The following LHFPL3 variants were observed in gnomAD, a reference collection of about 807,000 sequenced individuals.
LHFPL3 encodes LHFPL tetraspan subfamily member 3 protein.
Under a neutral mutation model 19.3 loss-of-function variants are expected in LHFPL3, and 5 were observed. The observed-to-expected ratio is 0.26, with a 90% CI of 0.14 to 0.54. LHFPL3 has a LOEUF of 0.54. Ranked by LOEUF, LHFPL3 falls within the 20% of genes least tolerant of loss-of-function variation. LHFPL3 has a pLI of 0.94. For missense variants in LHFPL3, 249 were observed against 307.4 expected (o/e 0.81, Z 1.42); for synonymous variants, 133 against 126.2 (o/e 1.05, Z -0.36).
chr7:104,564,911 T>A (rs1008210445), intron 1 of LHFPL3, among the ~76,000 whole-genome samples: 4 of 152,180 alleles, frequency 2.6e-5, no homozygotes, highest in Non-Finnish European at 5.9e-5. Flanking sequence ...AGAGACTTAG[T>A]TGTTGGCCAT....
chr7:104,333,602 C>A (rs1217903865), intron 1 of LHFPL3, among the ~76,000 whole-genome samples: 2 of 152,154 alleles, frequency 1.3e-5, no homozygotes, highest in Non-Finnish European at 2.9e-5. Context: ...CTGCCAAATT[C>A]TTTTTATCCC....
intron 1 of LHFPL3, among the ~76,000 whole-genome samples, chr7:104,536,888 A>G (rs1197211464): frequency 1.3e-5 from 2 of 152,230 alleles, no homozygotes; most frequent in African/African-American, 4.8e-5. Context: ...CAACACCACT[A>G]GGCTTCAGTG....
At chr7:104,391,813 A>G (rs1170297387) in intron 1 of LHFPL3, among the ~76,000 whole-genome samples, 2 of 152,222 alleles carry the variant, frequency 1.3e-5, no homozygotes, top group East Asian at 1.9e-4. Context: ...CTTCCTATCC[A>G]TGAGCATGGA....
At chr7:104,612,059 A>G (rs1791222778) in intron 1 of LHFPL3, among the ~76,000 whole-genome samples, 1 of 152,166 alleles carries the variant, frequency 6.6e-6, no homozygotes, top group Non-Finnish European at 1.5e-5. Context: ...CTACTCTTCC[A>G]TTATTGAGCA....
chr7:104,339,062 A>G (rs928804806), intron 1 of LHFPL3, among the ~76,000 whole-genome samples: 1 of 152,222 alleles, frequency 6.6e-6, no homozygotes, highest in Non-Finnish European at 1.5e-5. Flanking sequence ...AGCCTGACCA[A>G]CATGGTGAAA....
intron 1 of LHFPL3, among the ~76,000 whole-genome samples, chr7:104,582,476 C>A (rs1004039754): frequency 1.6e-4 from 24 of 151,944 alleles, no homozygotes; most frequent in Non-Finnish European, 1.5e-4. Context: ...TGCCTTACTG[C>A]ACAGACCAGG....
intron 1 of LHFPL3, among the ~76,000 whole-genome samples, chr7:104,729,127 A>G (rs1793642484): frequency 1.3e-5 from 2 of 152,182 alleles, no homozygotes; most frequent in African/African-American, 2.4e-5. Context: ...GTGCCACACT[A>G]TTTTGCAGTG....
intron 1 of LHFPL3, among the ~76,000 whole-genome samples, chr7:104,465,435 AT>A (rs1378890852): frequency 7.1e-4 from 108 of 152,252 alleles, no homozygotes; most frequent in Non-Finnish European, 7.4e-5. Context: ...GCAGTACTGA[AT>A]TTACTGTATT....
intron 1 of LHFPL3, among the ~76,000 whole-genome samples, chr7:104,457,202 C>T (rs912978054): frequency 2.7e-4 from 41 of 152,050 alleles, no homozygotes; most frequent in African/African-American, 7.5e-4. Flanking sequence ...ATGTGCCATG[C>T]TGGTGTGCTG....
chr7:104,892,540 G>A (rs557558965), intron 2 of LHFPL3, among the ~76,000 whole-genome samples: 4 of 151,356 alleles, frequency 2.6e-5, no homozygotes, highest in East Asian at 1.9e-4. Flanking sequence ...GAGAAACCCC[G>A]TCTCTACTAA....
chr7:104,813,639 A>C (rs1032375917), intron 2 of LHFPL3, among the ~76,000 whole-genome samples: 1 of 152,160 alleles, frequency 6.6e-6, no homozygotes, highest in South Asian at 2.1e-4. Context: ...ACAGTCAGAC[A>C]TGCTGGCTGC....
intron 1 of LHFPL3, among the ~76,000 whole-genome samples, chr7:104,479,309 A>G (rs927964595): frequency 6.6e-6 from 1 of 152,092 alleles, no homozygotes; most frequent in Admixed American, 6.5e-5. Flanking sequence ...GAGGGACGCC[A>G]TGGGAGCTGT....
At chr7:104,522,228 TC>T (rs1320053550) in intron 1 of LHFPL3, among the ~76,000 whole-genome samples, 6 of 152,204 alleles carry the variant, frequency 3.9e-5, no homozygotes, top group African/African-American at 1.4e-4. Flanking sequence ...CGAGTTCATG[TC>T]CTTTGTAGGG....
In LHFPL3 at chr7:104,742,440, T is replaced by C. The variant is rs143352174; in HGVS notation, c.682+5529T>C. Among the ~76,000 whole-genome samples the C allele has an allele frequency of 5.8e-4, 89 of 152,298 alleles. 1 individual carries two copies. The highest frequency in any genetic ancestry group is 1.9e-3 in the African/African-American group (78 of 41,564). On this transcript the variant is annotated intron_variant, in intron 2 of 2. Transcript: ENST00000424859. Reference sequence around the variant, plus strand: ...CTTTTCAATGCTATAGTGGAGGAGGTAGAATAAATTCACTTTATTTAAGCA... The same window carrying C: ...CTTTTCAATGCTATAGTGGAGGAGGCAGAATAAATTCACTTTATTTAAGCA...
chr7:104,674,470 G>A (rs1437260059), intron 1 of LHFPL3, among the ~76,000 whole-genome samples: 2 of 151,270 alleles, frequency 1.3e-5, no homozygotes, highest in African/African-American at 4.9e-5. Flanking sequence ...CTGGGTTCAA[G>A]CGATTCTCCT....
At chr7:104,386,930 A>AATGTCC (rs1790958540) in intron 1 of LHFPL3, among the ~76,000 whole-genome samples, 1 of 152,162 alleles carries the variant, frequency 6.6e-6, no homozygotes, top group Middle Eastern at 3.2e-3. Flanking sequence ...TATCACCTAA[A>AATGTCC]ATGTCCACCT....
chr7:104,341,071 T>C (rs983237127), intron 1 of LHFPL3, among the ~76,000 whole-genome samples: 2 of 152,194 alleles, frequency 1.3e-5, no homozygotes, highest in Admixed American at 6.5e-5. Context: ...AATTGAATAT[T>C]CTCCATCTCT....
intron 1 of LHFPL3, among the ~76,000 whole-genome samples, chr7:104,352,055 T>A (rs1029843297): frequency 4.7e-4 from 72 of 151,592 alleles, no homozygotes; most frequent in Non-Finnish European, 8.7e-4. Flanking sequence ...AAATAAAAAA[T>A]TAGCTGAGCT....
intron 1 of LHFPL3, among the ~76,000 whole-genome samples, chr7:104,643,119 G>A (rs917808657): frequency 3.3e-5 from 5 of 152,004 alleles, no homozygotes; most frequent in Admixed American, 2.0e-4. Flanking sequence ...TCTAAACTTC[G>A]GATAAAATTG....
Sources: gnomAD v4.1 joint callset for allele counts (sites outside exome capture counted in the v4.1 genomes callset) on GRCh38, gnomAD v4.1.1 for gene constraint, MANE v1.5 for transcripts, NCBI Gene and HGNC (gene_info 2026-07-23, HGNC 2026-07-21) for gene names.